The following TIMM9 variants were observed in gnomAD, a reference collection of about 807,000 sequenced individuals.
The protein encoded by TIMM9 is translocase of inner mitochondrial membrane 9.
TIMM9 carries 10 observed loss-of-function variants against 13.4 expected under a neutral mutation model. The ratio of observed to expected loss-of-function variants is 0.75; its 90% confidence interval spans 0.46 to 1.26. TIMM9 has a LOEUF of 1.26. Among genes scored for constraint, TIMM9 ranks in the 50% most tolerant of loss-of-function variants. The pLI is 0.00. For missense variants in TIMM9, 87 were observed against 100.8 expected, an observed-to-expected ratio of 0.86 and a Z score of 0.58; for synonymous variants, 32 against 32.1, an observed-to-expected ratio of 1.00 and a Z score of 0.01.
In TIMM9 at chr14:58,408,817, C is replaced by A; in HGVS notation, c.*217G>T. ...AATCATAAGGCCTCAACAAATGTTG[C>A]ATCTTATTATTTCACTGAACAATAA... On this transcript the variant is annotated 3_prime_UTR_variant, in exon 6 of 6. Coordinates refer to ENST00000395159, the MANE Select transcript of TIMM9 (RefSeq NM_012460.4). The A allele has an allele frequency of 1.4e-6, 1 of 708,186 alleles. No individual in the cohort carries two copies. Among genetic ancestry groups the A allele is most frequent in the Non-Finnish European group, 2.2e-6 (1 of 447,554 alleles). 43.9% of individuals were successfully genotyped at this position (708,186 alleles called of 1,614,324 possible). A position where few individuals can be genotyped will look rare whatever the true frequency, so the allele number is the denominator to read the frequency against.
In TIMM9 at chr14:58,409,032, C is replaced by T. The variant is rs377636844; in HGVS notation, c.*2G>A. ...ATCAAAAGTTCATCCATCAGGACTTCTCTATCGTGGTTGGCCAAGGAGTCC... is the reference window on the plus strand; with the variant it reads ...ATCAAAAGTTCATCCATCAGGACTTTTCTATCGTGGTTGGCCAAGGAGTCC... On this transcript the variant is annotated 3_prime_UTR_variant, in exon 6 of 6. Transcript: ENST00000395159. 17 of 1,611,454 alleles carry T rather than the reference C, an allele frequency of 1.1e-5. No individual in the cohort carries two copies. The highest frequency in any genetic ancestry group is 1.4e-5 in the Non-Finnish European group (17 of 1,179,612).
intron 3 of TIMM9, among the ~76,000 whole-genome samples, chr14:58,422,137 G>A (rs562724244): frequency 5.4e-4 from 78 of 145,558 alleles, no homozygotes; most frequent in African/African-American, 1.9e-3. Context: ...TTTTTGAGAC[G>A]GAGTTTTCGC....
chr14:58,413,943 C>T (rs1014651936), intron 3 of TIMM9, among the ~76,000 whole-genome samples: 51 of 121,616 alleles, frequency 4.2e-4, no homozygotes, highest in Middle Eastern at 0.011. Context: ...GGAGGTGGAG[C>T]TTGCAGTGAG....
chr14:58,420,551 CGGA>C (rs1595026611), intron 3 of TIMM9, among the ~76,000 whole-genome samples: 1 of 152,124 alleles, frequency 6.6e-6, no homozygotes, highest in East Asian at 1.9e-4. Context: ...CCAGCACTTT[CGGA>C]GGCTGAGGCG....
intron 4 of TIMM9, 76 bp downstream of exon 4, chr14:58,411,831 C>G: frequency 7.1e-7 from 1 of 1,403,592 alleles, no homozygotes; most frequent in Non-Finnish European, 1.0e-6. Flanking sequence ...GCCACTGCAC[C>G]CAGCCTGACA....
At chr14:58,425,909 T>C (rs2036747859) in intron 2 of TIMM9, among the ~76,000 whole-genome samples, 1 of 151,772 alleles carries the variant, frequency 6.6e-6, no homozygotes, top group Non-Finnish European at 1.5e-5. Context: ...AAGTCAGGAG[T>C]TCGAGACCAA....
chr14:58,410,754 T>C, intron 5 of TIMM9, 89 bp downstream of exon 5: 5 of 878,896 alleles, frequency 5.7e-6, no homozygotes, highest in Non-Finnish European at 3.5e-6. Flanking sequence ...ATTCCTGTAA[T>C]AAGTAGGAAC....
At chr14:58,412,361 C>A (rs1216945552) in intron 3 of TIMM9, among the ~76,000 whole-genome samples, 1 of 152,166 alleles carries the variant, frequency 6.6e-6, no homozygotes, top group Admixed American at 6.5e-5. Flanking sequence ...AGGATGGTCT[C>A]GATCTCTTAA....
At chr14:58,412,040 GGGAATC>G in intron 3 of TIMM9, 69 bp from the exon 4 acceptor site, 8 of 1,114,970 alleles carry the variant, frequency 7.2e-6, no homozygotes, top group Non-Finnish European at 8.1e-6. Flanking sequence ...TGAAGAGTTA[GGGAATC>G]ACTGCTCGTA....
At chr14:58,414,008 GAAAAAAAAAAAA>G (rs10656955) in intron 3 of TIMM9, among the ~76,000 whole-genome samples, 2 of 24,172 alleles carry the variant, frequency 8.3e-5, no homozygotes, top group African/African-American at 2.0e-4. Context: ...TTCCGTCTCA[GAAAAAAAAAAAA>G]AAAAAAAAAA....
chr14:58,412,387 G>A (rs2036249658), intron 3 of TIMM9, among the ~76,000 whole-genome samples: 1 of 152,180 alleles, frequency 6.6e-6, no homozygotes, highest in South Asian at 2.1e-4. Flanking sequence ...TGATCCGCCT[G>A]CCTCGGCTTC....
chr14:58,413,833 C>A (rs1816347573), intron 3 of TIMM9, among the ~76,000 whole-genome samples: 1 of 150,748 alleles, frequency 6.6e-6, no homozygotes, highest in African/African-American at 2.4e-5. Context: ...CAGTGAAACC[C>A]CGTCTTTACT....
intron 3 of TIMM9, among the ~76,000 whole-genome samples, chr14:58,419,984 G>T (rs1415493311): frequency 2.0e-5 from 3 of 152,114 alleles, no homozygotes; most frequent in African/African-American, 4.8e-5. Context: ...TAAACACAGG[G>T]TCTCACCATG....
intron 3 of TIMM9, among the ~76,000 whole-genome samples, chr14:58,417,507 A>AT (rs1482723086): frequency 6.8e-6 from 1 of 146,414 alleles, no homozygotes; most frequent in African/African-American, 2.5e-5. Flanking sequence ...TTAAAAAAAA[A>AT]AAAAAAAAAA....
intron 5 of TIMM9, among the ~76,000 whole-genome samples, chr14:58,409,629 A>T (rs1191540753): frequency 6.6e-6 from 1 of 152,126 alleles, no homozygotes; most frequent in Non-Finnish European, 1.5e-5. Flanking sequence ...CCCAGGCTTG[A>T]GTGCAGTGGC....
chr14:58,418,973 T>C (rs899242083), intron 3 of TIMM9, among the ~76,000 whole-genome samples: 3 of 152,042 alleles, frequency 2.0e-5, no homozygotes, highest in Admixed American at 6.5e-5. Flanking sequence ...ATAAAATTTA[T>C]ATAAAAAGCA....
At chr14:58,410,969 T>C (rs1202754919) in intron 4 of TIMM9, 31 bp from the exon 5 acceptor site, 3 of 1,531,658 alleles carry the variant, frequency 2.0e-6, no homozygotes, top group East Asian at 4.5e-5. Flanking sequence ...TCTTTAGTAT[T>C]TGGTTTTTAA....
Position 58,411,916 on chromosome 14 carries a change from C to A in TIMM9, c.30G>T (p.Gln10His). ...AATTAGAATACCTTACCTGTTTTAT[C>A]TGATCAGATTCTGGTATTTGTGCAG... The part of the protein sequence containing the change: MAAQIPESD[Q>H]IKQFKEFLGT... The change falls in exon 4 of 6, where the codon CAG becomes CAT. Residue 10 changes from glutamine (Q) to histidine (H), a missense_variant. Transcript: ENST00000395159. 1 of 1,613,886 alleles carries A rather than the reference C, an allele frequency of 6.2e-7. No individual in the cohort carries two copies. Among genetic ancestry groups the A allele is most frequent in the Non-Finnish European group, 8.5e-7 (1 of 1,179,804 alleles).
intron 3 of TIMM9, among the ~76,000 whole-genome samples, chr14:58,422,994 G>A (rs925945099): frequency 6.6e-6 from 1 of 151,544 alleles, no homozygotes; most frequent in African/African-American, 2.4e-5. Context: ...TAGTATAGAT[G>A]GGGTTTCACC....
Sources: allele counts gnomAD v4.1 joint callset (sites outside exome capture counted in the v4.1 genomes callset), GRCh38; gene constraint gnomAD v4.1.1; transcripts MANE v1.5; gene names NCBI Gene and HGNC (gene_info 2026-07-23, HGNC 2026-07-21).